ZNF875: variants seen among roughly 807,000 people sequenced by gnomAD.
ZNF875 encodes the protein zinc finger protein 875.
ZNF875 carries 14 observed loss-of-function variants against 11.2 expected under a neutral mutation model. The observed-to-expected ratio is 1.26, with a 90% CI of 0.83 to 1.96. The LOEUF (loss-of-function observed/expected upper bound fraction) is 1.96. Ranked by LOEUF, ZNF875 falls within the 30% of genes most tolerant of loss-of-function variation. The pLI is 0.00. For synonymous variants in ZNF875, 301 were observed against 281.1 expected, an observed-to-expected ratio of 1.07 and a Z score of -0.71; for missense variants, 752 against 760.4, an observed-to-expected ratio of 0.99 and a Z score of 0.13.
intron 2 of ZNF875, among the ~76,000 whole-genome samples, chr19:37,342,409 ATTTTTTT>A (rs66638698): frequency 2.1e-4 from 28 of 135,748 alleles, no homozygotes; most frequent in Non-Finnish European, 2.8e-4. Flanking sequence ...ATCCAACTGA[ATTTTTTT>A]TTTTTTTTTT....
intron 2 of ZNF875, chr19:37,344,878 A>G (rs1288248404): frequency 9.1e-6 from 7 of 769,226 alleles, no homozygotes; most frequent in Non-Finnish European, 1.4e-5. Context: ...AAGGGGTTGT[A>G]AAAGCAAATC....
chr19:37,315,853 G>C (rs1461187672), upstream of ZNF875, among the ~76,000 whole-genome samples: 2 of 152,030 alleles, frequency 1.3e-5, no homozygotes, highest in African/African-American at 4.8e-5. Flanking sequence ...CTAGGGTCTG[G>C]AAAGATTTCT....
upstream of ZNF875, among the ~76,000 whole-genome samples, chr19:37,316,606 G>A (rs2030208601): frequency 1.3e-5 from 2 of 151,624 alleles, no homozygotes; most frequent in Admixed American, 6.6e-5. Flanking sequence ...CAGAGCTCAG[G>A]CAATCCACCC....
chr19:37,326,810 G>A (rs1171896403), intron 4 of ZNF875, among the ~76,000 whole-genome samples: 3 of 151,184 alleles, frequency 2.0e-5, no homozygotes, highest in African/African-American at 7.3e-5. Flanking sequence ...CGGGATTACA[G>A]ATGTGCACCA....
At chr19:37,321,052 C>T (rs1426917424) in intron 1 of ZNF875, among the ~76,000 whole-genome samples, 2 of 152,164 alleles carry the variant, frequency 1.3e-5, no homozygotes. Flanking sequence ...ACTCCCTAAT[C>T]TCAAGTACCC....
chr19:37,345,650 C>G (rs75150891), intron 2 of ZNF875, among the ~76,000 whole-genome samples: 2,844 of 152,160 alleles, frequency 0.019, 41 homozygotes, highest in Non-Finnish European at 0.03. Flanking sequence ...AGTGCAAAGC[C>G]CAGGGTGGTC....
rs188690080 is a variant in ZNF875, at chr19:37,363,732, G to A, written c.1880G>A (p.Arg627Gln). 26 of 1,613,902 alleles carry A rather than the reference G, an allele frequency of 1.6e-5. No homozygotes were observed. Among genetic ancestry groups the A allele is most frequent in the Admixed American group, 1.3e-4 (8 of 59,986 alleles). ...ICRKCGRGFS[R>Q]KSNLIRHQRT... ...AGAAAGTGTGGACGGGGCTTTAGTC[G>A]GAAGTCCAACCTTATCAGACATCAG... Residue 627 changes from arginine to glutamine, a missense_variant, in exon 5 of 5, where the codon CGG (arginine) becomes CAG (glutamine). Transcript: ENST00000392153.
chr19:37,316,123 G>C (rs2030173669), upstream of ZNF875, among the ~76,000 whole-genome samples: 1 of 152,202 alleles, frequency 6.6e-6, no homozygotes, highest in Admixed American at 6.5e-5. Context: ...GCCACACTGT[G>C]ATCGGAACTA....
intron 4 of ZNF875, among the ~76,000 whole-genome samples, chr19:37,358,847 G>A (rs1179960310): frequency 1.3e-5 from 2 of 151,208 alleles, no homozygotes; most frequent in African/African-American, 4.9e-5. Context: ...TAGCTTTACT[G>A]AGGTATAATT....
At chr19:37,328,047 G>A (rs1476122133) in intron 4 of ZNF875, among the ~76,000 whole-genome samples, 1 of 152,090 alleles carries the variant, frequency 6.6e-6, no homozygotes, top group African/African-American at 2.4e-5. Context: ...TTCAAGACCA[G>A]CCTGACCAAC....
intron 2 of ZNF875, among the ~76,000 whole-genome samples, chr19:37,322,966 A>G (rs1205934221): frequency 2.0e-5 from 3 of 150,612 alleles, no homozygotes; most frequent in Non-Finnish European, 4.4e-5. Context: ...AGGACCCACT[A>G]CCCTCCCCCA....
chr19:37,357,018 C>T (rs1371490613), intron 4 of ZNF875, among the ~76,000 whole-genome samples: 2 of 152,036 alleles, frequency 1.3e-5, no homozygotes, highest in Non-Finnish European at 2.9e-5. Flanking sequence ...GGGGAAGGGT[C>T]CAGTTTCATT....
intron 2 of ZNF875, among the ~76,000 whole-genome samples, chr19:37,338,813 CAT>C (rs564091168): frequency 2.6e-4 from 39 of 152,272 alleles, no homozygotes; most frequent in African/African-American, 6.7e-4. Context: ...TGGTTAATCA[CAT>C]GTTTCAGGAG....
At chr19:37,349,863 C>T (rs1192561967) in intron 4 of ZNF875, among the ~76,000 whole-genome samples, 1 of 151,986 alleles carries the variant, frequency 6.6e-6, no homozygotes, top group Non-Finnish European at 1.5e-5. Context: ...CCATGTTGGC[C>T]AGGCTGGTCT....
intron 4 of ZNF875, among the ~76,000 whole-genome samples, chr19:37,329,493 C>G (rs912958678): frequency 6.6e-6 from 1 of 152,156 alleles, no homozygotes; most frequent in African/African-American, 2.4e-5. Flanking sequence ...TCGTTGACTT[C>G]ACAGTGTAAG....
At chr19:37,361,825 G>C (rs1481319532) in intron 4 of ZNF875, 1 of 324,064 alleles carries the variant, frequency 3.1e-6, no homozygotes, top group Admixed American at 4.7e-5. Flanking sequence ...GCTAAGGCAG[G>C]AGAATCGCTT....
intron 2 of ZNF875, among the ~76,000 whole-genome samples, chr19:37,335,978 C>A (rs1417154512): frequency 2.6e-5 from 4 of 152,190 alleles, no homozygotes; most frequent in African/African-American, 9.7e-5. Context: ...TCTGCTCCAT[C>A]CTTACCGCAG....
intron 4 of ZNF875, among the ~76,000 whole-genome samples, chr19:37,354,630 T>G (rs2038575777): frequency 6.6e-6 from 1 of 152,180 alleles, no homozygotes; most frequent in African/African-American, 2.4e-5. Context: ...GTATGTGGTT[T>G]GTCCCCACCA....
chr19:37,342,593 G>A (rs1219407083), intron 2 of ZNF875, among the ~76,000 whole-genome samples: 3 of 151,906 alleles, frequency 2.0e-5, no homozygotes, highest in African/African-American at 4.8e-5. Flanking sequence ...TGTATTTTTA[G>A]TAGAGACGGG....
Sources: gnomAD v4.1 joint callset for allele counts (sites outside exome capture counted in the v4.1 genomes callset) on GRCh38, gnomAD v4.1.1 for gene constraint, MANE v1.5 for transcripts, NCBI Gene and HGNC (gene_info 2026-07-23, HGNC 2026-07-21) for gene names.